Variants in EPHA5 observed in about 807,000 individuals in gnomAD.
EPHA5 encodes the protein ephrin type-A receptor 5.
In EPHA5, 60 loss-of-function variants were observed where a neutral mutation model predicts 105.0. That is an observed-to-expected ratio of 0.57 (90% confidence interval 0.46 to 0.71). The LOEUF (loss-of-function observed/expected upper bound fraction) is 0.71. EPHA5 is among the 30% of genes least tolerant of loss of function. The probability of loss-of-function intolerance (pLI) is 0.00; values close to 1 mark genes in which losing one functional copy is unlikely to be tolerated. For missense variants in EPHA5, 1,218 were observed against 1,274.7 expected (o/e 0.96, Z 0.68); for synonymous variants, 513 against 449.1 (o/e 1.14, Z -1.80).
At chr4:65,381,088 C>T (rs1719516607) in intron 8 of EPHA5, among the ~76,000 whole-genome samples, 1 of 150,662 alleles carries the variant, frequency 6.6e-6, no homozygotes. Flanking sequence ...TCACAGTCAG[C>T]ACTTAGAAAG....
chr4:65,401,482 C>G (rs1223953211), intron 8 of EPHA5, among the ~76,000 whole-genome samples: 1 of 151,888 alleles, frequency 6.6e-6, no homozygotes, highest in East Asian at 1.9e-4. Flanking sequence ...TGACAAATGT[C>G]CCCCGAAATT....
chr4:65,615,079 A>C (rs901492595), intron 2 of EPHA5, among the ~76,000 whole-genome samples: 1 of 151,850 alleles, frequency 6.6e-6, no homozygotes, highest in African/African-American at 2.4e-5. Context: ...GTTTTGTTAC[A>C]TTCATAACAA....
chr4:65,578,156 G>T (rs13127631), intron 3 of EPHA5, among the ~76,000 whole-genome samples: 37,904 of 151,908 alleles, frequency 0.25, 5,271 homozygotes, highest in East Asian at 0.46. Flanking sequence ...TGTAATTCAA[G>T]TCCTGGCAGA....
chr4:65,623,097 C>A (rs1297784177), intron 2 of EPHA5, among the ~76,000 whole-genome samples: 1 of 151,912 alleles, frequency 6.6e-6, no homozygotes, highest in Non-Finnish European at 1.5e-5. Flanking sequence ...TGTTAAATAA[C>A]GATTATTTGA....
chr4:65,575,286 G>A (rs912015459), intron 3 of EPHA5, among the ~76,000 whole-genome samples: 1 of 151,990 alleles, frequency 6.6e-6, no homozygotes, highest in East Asian at 1.9e-4. Flanking sequence ...CAAATCAGTG[G>A]GCTCCCACAA....
chr4:65,335,293 A>G (rs1721065047), intron 15 of EPHA5, among the ~76,000 whole-genome samples: 1 of 152,062 alleles, frequency 6.6e-6, no homozygotes, highest in Non-Finnish European at 1.5e-5. Flanking sequence ...GGCATGCTTT[A>G]CAAATATGAA....
At chr4:65,452,325 C>T (rs1209634848) in intron 5 of EPHA5, among the ~76,000 whole-genome samples, 2 of 152,014 alleles carry the variant, frequency 1.3e-5, no homozygotes, top group Non-Finnish European at 2.9e-5. Context: ...TCCTATGAGA[C>T]ATTTAACATG....
intron 2 of EPHA5, among the ~76,000 whole-genome samples, chr4:65,610,802 G>T (rs546955875): frequency 3.3e-5 from 5 of 152,162 alleles, no homozygotes; most frequent in African/African-American, 1.2e-4. Context: ...AATTTTAAAA[G>T]ATGCAAATAA....
chr4:65,560,879 T>C (rs980415490), intron 3 of EPHA5, among the ~76,000 whole-genome samples: 7 of 152,092 alleles, frequency 4.6e-5, no homozygotes, highest in Non-Finnish European at 8.8e-5. Context: ...AATGCAGTGA[T>C]TTTGTTTTTG....
intron 5 of EPHA5, among the ~76,000 whole-genome samples, chr4:65,436,593 T>C (rs966670172): frequency 1.3e-5 from 2 of 151,986 alleles, no homozygotes; most frequent in Non-Finnish European, 2.9e-5. Context: ...AGTTCACTAA[T>C]TTGTGATTCA....
intron 2 of EPHA5, among the ~76,000 whole-genome samples, chr4:65,613,213 A>C (rs1163717433): frequency 6.6e-6 from 1 of 151,956 alleles, no homozygotes; most frequent in Admixed American, 6.6e-5. Flanking sequence ...CTGGGACTCT[A>C]TTCTGTTCCA....
intron 16 of EPHA5, chr4:65,330,424 A>G (rs543366395): frequency 4.8e-5 from 8 of 166,170 alleles, no homozygotes; most frequent in Non-Finnish European, 9.9e-5. Context: ...CCCCAAAGAT[A>G]TAAGTAAAAC....
chr4:65,540,370 C>G (rs1189169095), intron 3 of EPHA5, among the ~76,000 whole-genome samples: 1 of 151,354 alleles, frequency 6.6e-6, no homozygotes, highest in Admixed American at 6.6e-5. Context: ...TCACTGGCAA[C>G]ACTATAGTTC....
intron 8 of EPHA5, among the ~76,000 whole-genome samples, chr4:65,376,043 A>T (rs1157428166): frequency 6.6e-6 from 1 of 151,950 alleles, no homozygotes; most frequent in African/African-American, 2.4e-5. Context: ...TTCTCAGATC[A>T]TTGGCATCCA....
At chr4:65,487,277 C>T (rs992682350) in intron 5 of EPHA5, among the ~76,000 whole-genome samples, 4 of 152,162 alleles carry the variant, frequency 2.6e-5, no homozygotes, top group African/African-American at 7.2e-5. Flanking sequence ...TCCAAGCTGC[C>T]CTTGTTCATT....
At chr4:65,360,904 G>T (rs546450842) in intron 11 of EPHA5, among the ~76,000 whole-genome samples, 3 of 151,388 alleles carry the variant, frequency 2.0e-5, no homozygotes, top group African/African-American at 7.3e-5. Flanking sequence ...GTTTCAACGA[G>T]CTCATTGCAT....
intron 12 of EPHA5, 41 bp from the exon 13 acceptor site, chr4:65,351,639 T>A: frequency 6.4e-7 from 1 of 1,569,820 alleles, no homozygotes; most frequent in East Asian, 2.3e-5. Context: ...GCAACACCAA[T>A]CACTGGGGGA....
At chr4:65,445,395 A>G (rs1726419423) in intron 5 of EPHA5, among the ~76,000 whole-genome samples, 1 of 152,168 alleles carries the variant, frequency 6.6e-6, no homozygotes, top group African/African-American at 2.4e-5. Context: ...AAGAGCATTG[A>G]TAATCACAGA....
chr4:65,628,247 T>A (rs1746326141), intron 2 of EPHA5, among the ~76,000 whole-genome samples: 1 of 152,082 alleles, frequency 6.6e-6, no homozygotes, highest in Non-Finnish European at 1.5e-5. Context: ...GAGTCTTCAT[T>A]TTAACATTTT....
Sources: allele counts gnomAD v4.1 joint callset (sites outside exome capture counted in the v4.1 genomes callset), GRCh38; gene constraint gnomAD v4.1.1; transcripts MANE v1.5; gene names NCBI Gene and HGNC (gene_info 2026-07-23, HGNC 2026-07-21).